Variants in NEDD9 observed in about 807,000 individuals in gnomAD.
NEDD9 encodes enhancer of filamentation 1.
Under a neutral mutation model 76.6 loss-of-function variants are expected in NEDD9, and 26 were observed. The ratio of observed to expected loss-of-function variants is 0.34; its 90% CI spans 0.25 to 0.47. NEDD9 has a LOEUF of 0.47. Ranked by LOEUF, NEDD9 falls within the 20% of genes least tolerant of loss-of-function variation. The pLI is 1.00. For synonymous variants in NEDD9, 392 were observed against 414.2 expected (o/e 0.95, Z 0.65); for missense variants, 937 against 1,058.5 (o/e 0.89, Z 1.59).
chr6:11,241,433 G>A lies in NEDD9; in HGVS notation c.13-27706C>T, dbSNP rs1427957656. Among the ~76,000 whole-genome samples, 2 of 152,082 alleles carry A rather than the reference G, an allele frequency of 1.3e-5. No individual in the cohort carries two copies. The highest frequency in any genetic ancestry group is 2.4e-5 in the African/African-American group (1 of 41,400). On this transcript the variant is annotated intron_variant, in intron 3 of 3. Coordinates refer to the NEDD9 transcript ENST00000397378. This position sits in a 1 kb window ranked among gnomAD's most constrained non-coding sequence, Gnocchi z 4.0. ...TTTGTAGCCCTCTTCCCCTCTCCACGTCTTGCTATTGTCTAGTTGGACTAA... is the reference window on the plus strand; with the variant it reads ...TTTGTAGCCCTCTTCCCCTCTCCACATCTTGCTATTGTCTAGTTGGACTAA...
At chr6:11,240,386 T>C (rs1280975319) in intron 3 of NEDD9, among the ~76,000 whole-genome samples, 1 of 152,162 alleles carries the variant, frequency 6.6e-6, no homozygotes, top group African/African-American at 2.4e-5. Flanking sequence ...TCTTCCTGCT[T>C]CCTTCCATCT....
chr6:11,346,947 A>T (rs1310877521), intron 1 of NEDD9, among the ~76,000 whole-genome samples: 1 of 152,024 alleles, frequency 6.6e-6, no homozygotes, highest in African/African-American at 2.4e-5. Context: ...CCTGCTCCCC[A>T]AACTCCATTT....
At chr6:11,292,355 G>C (rs1270652299) in intron 3 of NEDD9, among the ~76,000 whole-genome samples, 1 of 152,200 alleles carries the variant, frequency 6.6e-6, no homozygotes, top group Non-Finnish European at 1.5e-5. Context: ...GCGTCTTCTT[G>C]ACAGTGTAAT....
At chr6:11,293,239 G>A (rs1215821657) in intron 3 of NEDD9, among the ~76,000 whole-genome samples, 1 of 151,670 alleles carries the variant, frequency 6.6e-6, no homozygotes. Flanking sequence ...AATAAGATGG[G>A]TATTATTATA....
chr6:11,216,863 A>G (rs113979851), intron 1 of NEDD9, among the ~76,000 whole-genome samples: 2 of 152,146 alleles, frequency 1.3e-5, no homozygotes, highest in Admixed American at 6.5e-5. Flanking sequence ...TCTGATATTT[A>G]TCTTGCTCAG....
At chr6:11,192,549 A>G in intron 3 of NEDD9, 103 bp from the exon 4 acceptor site, 1 of 777,356 alleles carries the variant, frequency 1.3e-6, no homozygotes, top group Non-Finnish European at 2.1e-6. Context: ...CAGGTTATGT[A>G]CAAGCTTGAT....
chr6:11,214,238 T>C (rs1289055069), intron 1 of NEDD9: 1 of 516,000 alleles, frequency 1.9e-6, no homozygotes, highest in Non-Finnish European at 3.9e-6. Flanking sequence ...TACACATATA[T>C]ATGCCTTGGC....
At chr6:11,306,130 A>G in exon 3 of NEDD9, 1 of 1,105,302 alleles carries the variant, frequency 9.0e-7, no homozygotes. Flanking sequence ...AGTGTCTGAC[A>G]TTACGGACCT....
chr6:11,237,625 T>G (rs1759631059), upstream of NEDD9, among the ~76,000 whole-genome samples: 1 of 152,178 alleles, frequency 6.6e-6, no homozygotes, highest in African/African-American at 2.4e-5. This position sits in a 1 kb window ranked among gnomAD's most constrained non-coding sequence, Gnocchi z 4.9. Flanking sequence ...TCGATGTCTA[T>G]AAATAAAATT....
chr6:11,232,752 G>A (rs1011011124), upstream of NEDD9: 20 of 1,381,282 alleles, frequency 1.4e-5, no homozygotes, highest in Admixed American at 5.1e-4. Context: ...ACAAGGTAAT[G>A]CTCAGGCCCT....
At chr6:11,376,947 G>T (rs1762977045) in intron 1 of NEDD9, among the ~76,000 whole-genome samples, 1 of 152,256 alleles carries the variant, frequency 6.6e-6, no homozygotes, top group African/African-American at 2.4e-5. Context: ...TTCAGCCTCA[G>T]CTCAAAGGGG....
intron 3 of NEDD9, among the ~76,000 whole-genome samples, chr6:11,254,821 G>A (rs1167938496): frequency 2.6e-5 from 4 of 152,196 alleles, no homozygotes; most frequent in East Asian, 1.9e-4. Context: ...CTTAGAAGTC[G>A]GAGTGGGTGG....
intron 1 of NEDD9, among the ~76,000 whole-genome samples, chr6:11,214,606 C>G (rs1758891366): frequency 6.6e-6 from 1 of 152,246 alleles, no homozygotes; most frequent in Non-Finnish European, 1.5e-5. Context: ...CCAAAGTAGG[C>G]ATTCAGCAGA....
chr6:11,371,666 T>A (rs1024621029), intron 1 of NEDD9, among the ~76,000 whole-genome samples: 24 of 152,358 alleles, frequency 1.6e-4, no homozygotes, highest in African/African-American at 5.8e-4. Flanking sequence ...AGGTTGTAGA[T>A]AACAGGTGAG....
chr6:11,193,860 CT>C (rs772630193), intron 2 of NEDD9, among the ~76,000 whole-genome samples, 168 bp from the exon 3 acceptor site: 504 of 141,138 alleles, frequency 3.6e-3, no homozygotes, highest in Admixed American at 3.4e-3. Context: ...CGTTAGTAAA[CT>C]TTTTTTTTTT....
At chr6:11,335,239 G>A (rs571771057) in intron 1 of NEDD9, among the ~76,000 whole-genome samples, 5 of 152,290 alleles carry the variant, frequency 3.3e-5, no homozygotes, top group Admixed American at 2.0e-4. Context: ...ATACAACAAC[G>A]AGTGACGACC....
At chr6:11,355,597 G>T (rs1048512154) in intron 1 of NEDD9, among the ~76,000 whole-genome samples, 11 of 152,156 alleles carry the variant, frequency 7.2e-5, no homozygotes, top group African/African-American at 2.7e-4. Flanking sequence ...ATGTTTTCAG[G>T]TCATTTTACT....
At chr6:11,355,411 G>GCAA (rs1219350987) in intron 1 of NEDD9, among the ~76,000 whole-genome samples, 1 of 152,096 alleles carries the variant, frequency 6.6e-6, no homozygotes, top group East Asian at 1.9e-4. Context: ...TGGTATAATA[G>GCAA]CAACAACAAC....
chr6:11,193,692 C>T lies in NEDD9; in HGVS notation c.460G>A (p.Val154Met), dbSNP rs1758221184. 6.2e-7 allele frequency: 1 copy of T among 1,611,938 alleles called. No individual in the cohort carries two copies. The highest frequency in any genetic ancestry group is 8.5e-7 in the Non-Finnish European group (1 of 1,178,366). ...GTSGPHVGKKVITPVRTGHGY... is the reference protein window; with the variant it reads ...GTSGPHVGKKMITPVRTGHGY... ...TGGCCTGTCCTCACGGGGGTTATCA[C>T]CTGTGGGAGAGAAGGCACAGAGGTG... Residue 154 changes from valine to methionine, a missense_variant and splice_region_variant, in exon 3 of 7, where the codon GTG (valine) becomes ATG (methionine). Coordinates refer to ENST00000379446, the MANE Select transcript of NEDD9 (RefSeq NM_006403.4).
Sources: allele counts gnomAD v4.1 joint callset (sites outside exome capture counted in the v4.1 genomes callset), GRCh38; gene constraint gnomAD v4.1.1; non-coding constraint Gnocchi (gnomAD v3.1); transcripts MANE v1.5; gene names NCBI Gene and HGNC (gene_info 2026-07-23, HGNC 2026-07-21).